Variants in UBN1 observed in about 807,000 individuals in gnomAD.
UBN1 encodes the protein ubinuclein-1.
UBN1 carries 17 observed loss-of-function variants against 108.5 expected under a neutral mutation model. The ratio of observed to expected loss-of-function variants is 0.16; its 90% CI spans 0.11 to 0.24. The LOEUF (loss-of-function observed/expected upper bound fraction) is 0.24. Ranked by LOEUF, UBN1 falls within the 10% of genes least tolerant of loss-of-function variation. The pLI is 1.00. For synonymous variants in UBN1, 726 were observed against 564.2 expected (o/e 1.29, Z -4.07); for missense variants, 1,595 against 1,394.4 (o/e 1.14, Z -2.29).
chr16:4,866,232 T>A (rs190232226), intron 7 of UBN1, among the ~76,000 whole-genome samples: 52 of 152,346 alleles, frequency 3.4e-4, no homozygotes, highest in Non-Finnish European at 5.3e-4. Flanking sequence ...AATTGGCACA[T>A]GGCTGGGTGA....
rs35657330 is a variant in UBN1, at chr16:4,877,083, C to T, written c.3237C>T (p.Pro1079=). 1,297 of 1,612,938 alleles carry T rather than the reference C, an allele frequency of 8.0e-4. 13 individuals carry two copies. In the African/African-American group the frequency reaches 0.015, roughly 18 times the overall value. The change falls in exon 16 of 18, where the codon CCC becomes CCT. Residue 1079 remains proline, a synonymous_variant. Transcript: ENST00000262376. This position sits in a 1 kb window ranked among gnomAD's most constrained non-coding sequence, Gnocchi z 4.3. ...SKDAIVTGPA[P]GSFHHGLGHS... is the part of the protein sequence containing the mutation. Reference sequence around the variant, plus strand: ...ATGCCATCGTCACAGGCCCTGCCCCCGGGTCCTTCCACCATGGCCTTGGCC... The same window carrying T: ...ATGCCATCGTCACAGGCCCTGCCCCTGGGTCCTTCCACCATGGCCTTGGCC...
At chr16:4,865,874 A>G (rs903899143) in intron 7 of UBN1, among the ~76,000 whole-genome samples, 1 of 152,152 alleles carries the variant, frequency 6.6e-6, no homozygotes, top group Non-Finnish European at 1.5e-5. Context: ...AGGCAGGAGA[A>G]TCACTTGAAC....
chr16:4,870,170 G>A, intron 8 of UBN1, 42 bp from the exon 9 acceptor site: 1 of 1,612,668 alleles, frequency 6.2e-7, no homozygotes, highest in Non-Finnish European at 8.5e-7. Flanking sequence ...GACAGGAGTT[G>A]CAGTGAGCTG....
In UBN1 at chr16:4,849,279, A is replaced by G. The variant is rs544078314; in HGVS notation, c.-40+1069A>G. Among the ~76,000 whole-genome samples, 124 of 152,318 alleles carry G rather than the reference A, an allele frequency of 8.1e-4. 2 individuals carry two copies. In the Middle Eastern group the frequency reaches 0.02, roughly 25 times the overall value. ...GTAAGACAGGAAACAAAAATAAGAA[A>G]TGCAATTTTTGGAAAAGGGAAGACA... On this transcript the variant is annotated intron_variant, in intron 1 of 17. Coordinates refer to ENST00000262376, the MANE Select transcript of UBN1 (RefSeq NM_001079514.3).
intron 2 of UBN1, among the ~76,000 whole-genome samples, chr16:4,856,472 C>T (rs1486507427): frequency 6.6e-6 from 1 of 152,248 alleles, no homozygotes; most frequent in African/African-American, 2.4e-5. Context: ...AGAGAAAACA[C>T]TGTACCAGCC....
chr16:4,862,951 C>G (rs1040284828), intron 7 of UBN1, among the ~76,000 whole-genome samples: 2 of 152,282 alleles, frequency 1.3e-5, no homozygotes, highest in South Asian at 2.1e-4. Flanking sequence ...AGCTGGTGAC[C>G]AGGAGAGGCT....
chr16:4,859,780 C>T (rs763181771), intron 5 of UBN1, 85 bp from the exon 6 acceptor site: 107 of 1,575,946 alleles, frequency 6.8e-5, no homozygotes, highest in Non-Finnish European at 8.7e-5. Flanking sequence ...GGATGTGCCC[C>T]GGGCGGAGCA....
At chr16:4,875,677 G>C (rs1053821403) in intron 15 of UBN1, among the ~76,000 whole-genome samples, 1 of 152,208 alleles carries the variant, frequency 6.6e-6, no homozygotes, top group Admixed American at 6.5e-5. Flanking sequence ...AGGATGGCCA[G>C]CACCAAGCAC....
At position 4,847,559 on chromosome 16, in the gene UBN1, G is replaced by C. The variant is rs1212672876; in HGVS notation, c.-691G>C. 3 of 423,780 alleles carry C rather than the reference G, an allele frequency of 7.1e-6. No individual in the cohort carries two copies. Among genetic ancestry groups the C allele is most frequent in the East Asian group, 4.8e-5 (1 of 20,778 alleles). The allele number at this position is 423,780 out of a possible 1,614,324, so 26.3% of individuals were successfully genotyped here. A position where few individuals can be genotyped will look rare whatever the true frequency, so the allele number is the denominator to read the frequency against. Reference sequence around the variant, plus strand: ...CGGCGGCGGCGGCGACGGTGCGACCGGCTGAGCGCGAGAGGGAGCCGGCCT... The same window carrying C: ...CGGCGGCGGCGGCGACGGTGCGACCCGCTGAGCGCGAGAGGGAGCCGGCCT... On this transcript the variant is annotated 5_prime_UTR_variant, in exon 1 of 18. Coordinates refer to ENST00000262376, the MANE Select transcript of UBN1 (RefSeq NM_001079514.3).
rs1654132418 is a variant in UBN1 at position 4,847,587 on chromosome 16, C to T, written c.-663C>T. The stretch of plus-strand genomic sequence containing the variant: ...TGAGCGCGAGAGGGAGCCGGCCTCG[C>T]GGCTCGCCCCGCCCCCGGGTCTTGG... On this transcript the variant is annotated 5_prime_UTR_variant, in exon 1 of 18. Coordinates refer to ENST00000262376, the MANE Select transcript of UBN1 (RefSeq NM_001079514.3). 2 of 360,420 alleles carry T rather than the reference C, an allele frequency of 5.5e-6. No homozygotes were observed. The highest frequency in any genetic ancestry group is 1.0e-5 in the Non-Finnish European group (2 of 199,000). 22.3% of individuals were successfully genotyped at this position (360,420 alleles called of 1,614,324 possible). A position where few individuals can be genotyped will look rare whatever the true frequency, so the allele number is the denominator to read the frequency against.
chr16:4,853,234 T>G, intron 2 of UBN1, 68 bp downstream of exon 2: 1 of 1,563,082 alleles, frequency 6.4e-7, no homozygotes, highest in Non-Finnish European at 8.6e-7. Flanking sequence ...CATGTGGGGC[T>G]TCCGTAGCGG....
In UBN1 at chr16:4,881,146, G is replaced by C. The variant is rs1226771722; in HGVS notation, c.*1014G>C. 1 of 152,610 alleles carries C rather than the reference G, an allele frequency of 6.6e-6. No homozygotes were observed. The highest frequency in any genetic ancestry group is 1.5e-5 in the Non-Finnish European group (1 of 68,046). The allele number at this position is 152,610 out of a possible 1,614,324, so 9.5% of individuals were successfully genotyped here. ...AGAGCCCAGAGCCCTTCATCTCTCT[G>C]AGGGTCAAGGATACCAGGGGTCCCA... On this transcript the variant is annotated 3_prime_UTR_variant, in exon 18 of 18. Coordinates refer to ENST00000262376, the MANE Select transcript of UBN1 (RefSeq NM_001079514.3).
In UBN1 at chr16:4,855,102, C is replaced by G. The variant is rs559974759; in HGVS notation, c.249+1936C>G. ...GGAAAAGGTAAGTGGGCCCCACACT[C>G]GCAGCATTGTGGTCTCTAGCATGTC... On this transcript the variant is annotated intron_variant, in intron 2 of 17. Coordinates refer to ENST00000262376, the MANE Select transcript of UBN1 (RefSeq NM_001079514.3). Among the ~76,000 whole-genome samples, 206 of 152,230 alleles carry G rather than the reference C, an allele frequency of 1.4e-3. 2 individuals are homozygous for G. The highest frequency in any genetic ancestry group is 9.7e-4 in the East Asian group (5 of 5,176).
intron 2 of UBN1, among the ~76,000 whole-genome samples, chr16:4,856,067 A>C (rs898142943): frequency 6.6e-6 from 1 of 152,244 alleles, no homozygotes; most frequent in Admixed American, 6.5e-5. Context: ...AGTAATTTCA[A>C]ATCCCTTTAT....
intron 7 of UBN1, among the ~76,000 whole-genome samples, chr16:4,863,758 C>A (rs1002902804): frequency 1.5e-4 from 23 of 152,292 alleles, no homozygotes; most frequent in Non-Finnish European, 2.6e-4. Flanking sequence ...TGACTCTGGG[C>A]CAACGCTCAT....
chr16:4,853,184 C>T lies in UBN1; in HGVS notation c.249+18C>T. On this transcript the variant is annotated intron_variant, in intron 2 of 17. Coordinates refer to ENST00000262376, the MANE Select transcript of UBN1 (RefSeq NM_001079514.3). Reference sequence around the variant, plus strand: ...GAGATAAGGTACACCCCTTTGTTCCCAGAGGCGCTGCAGGTTTAACGCACA... The same window carrying T: ...GAGATAAGGTACACCCCTTTGTTCCTAGAGGCGCTGCAGGTTTAACGCACA... 6.2e-7 allele frequency: 1 copy of T among 1,612,934 alleles called. No individual in the cohort carries two copies. Among genetic ancestry groups the T allele is most frequent in the Non-Finnish European group, 8.5e-7 (1 of 1,179,726 alleles).
chr16:4,865,652 A>C (rs1445948170), intron 7 of UBN1, among the ~76,000 whole-genome samples: 5 of 152,078 alleles, frequency 3.3e-5, no homozygotes, highest in Non-Finnish European at 5.9e-5. Context: ...AATGGGTGAC[A>C]GAGTGAGACC....
intron 12 of UBN1, among the ~76,000 whole-genome samples, chr16:4,871,854 G>T (rs139834316): frequency 1.4e-3 from 215 of 152,196 alleles, no homozygotes; most frequent in African/African-American, 5.0e-3. Context: ...CCTAAGTGCT[G>T]GGATTACAGG....
chr16:4,870,380 C>A (rs773259684), intron 9 of UBN1, 39 bp downstream of exon 9: 1 of 1,612,204 alleles, frequency 6.2e-7, no homozygotes, highest in African/African-American at 1.3e-5. Flanking sequence ...GCTTTGGGGT[C>A]CTGGCGGAGG....
Sources: allele counts gnomAD v4.1 joint callset (sites outside exome capture counted in the v4.1 genomes callset), GRCh38; gene constraint gnomAD v4.1.1; non-coding constraint Gnocchi (gnomAD v3.1); transcripts MANE v1.5; gene names NCBI Gene and HGNC (gene_info 2026-07-23, HGNC 2026-07-21).